CNIH3: variants seen among roughly 807,000 people sequenced by gnomAD.
The protein encoded by CNIH3 is cornichon family AMPA receptor auxiliary protein 3.
In CNIH3, 14 loss-of-function variants were observed where a neutral mutation model predicts 24.1. The observed-to-expected ratio is 0.58, with a 90% CI of 0.38 to 0.91. The LOEUF (loss-of-function observed/expected upper bound fraction) is 0.91, where lower values mean the gene tolerates loss of function less well. Ranked by LOEUF, CNIH3 falls within the 40% of genes least tolerant of loss-of-function variation. The pLI, the probability that CNIH3 is intolerant of heterozygous loss-of-function variation, is 0.00. For synonymous variants in CNIH3, 68 were observed against 73.8 expected (o/e 0.92, Z 0.40); for missense variants, 178 against 196.8 (o/e 0.90, Z 0.57).
intron 1 of CNIH3, among the ~76,000 whole-genome samples, chr1:224,482,379 CCA>C (rs1361468021): frequency 2.0e-5 from 3 of 151,988 alleles, no homozygotes; most frequent in African/African-American, 7.3e-5. Flanking sequence ...CGAGTCTAAC[CCA>C]AGGCCCTCAG....
Position 224,616,928 on chromosome 1 carries a change from C to CAA in CNIH3, c.-247_-246insAA, listed in dbSNP as rs1683029344. On this transcript the variant is annotated 5_prime_UTR_variant, in exon 1 of 6. It introduces an in-frame stop codon into an upstream open reading frame of the 5' UTR. Coordinates refer to ENST00000272133, the MANE Select transcript of CNIH3 (RefSeq NM_152495.2). Reference sequence around the variant, plus strand: ...TTCTTCGATTTGCGGACGGTTCCCTCCAGCGACTCTCGACACACGTTTTCC... The same window carrying CAA: ...TTCTTCGATTTGCGGACGGTTCCCTCAACAGCGACTCTCGACACACGTTTTCC... 7.4e-7 allele frequency: 1 copy of CAA among 1,344,728 alleles called. No homozygotes were observed. The highest frequency in any genetic ancestry group is 9.5e-7 in the Non-Finnish European group (1 of 1,053,282). 83.3% of individuals were successfully genotyped at this position (1,344,728 alleles called of 1,614,324 possible).
chr1:224,577,168 A>G (rs116759373), intron 4 of CNIH3, among the ~76,000 whole-genome samples: 3,293 of 152,188 alleles, frequency 0.022, 44 homozygotes, highest in Non-Finnish European at 0.035. Flanking sequence ...GACTTCATGA[A>G]CCCAAAAGCA....
intron 3 of CNIH3, among the ~76,000 whole-genome samples, chr1:224,708,400 T>A (rs1687938969): frequency 6.6e-6 from 1 of 152,204 alleles, no homozygotes. Flanking sequence ...GTCTTCCTTG[T>A]TCTAAAAAGT....
intron 1 of CNIH3, among the ~76,000 whole-genome samples, chr1:224,460,247 GAT>G (rs1675853859): frequency 6.6e-6 from 1 of 151,984 alleles, no homozygotes; most frequent in Non-Finnish European, 1.5e-5. Context: ...AGGTATAATT[GAT>G]ATACAATACA....
At chr1:224,734,892 G>A (rs1689516435) in intron 5 of CNIH3, among the ~76,000 whole-genome samples, 186 bp downstream of exon 5, 2 of 152,172 alleles carry the variant, frequency 1.3e-5, no homozygotes, top group African/African-American at 4.8e-5. Flanking sequence ...AAGTAAGGGG[G>A]CAGGAGATCC....
intron 5 of CNIH3, among the ~76,000 whole-genome samples, chr1:224,737,673 G>A (rs955416093): frequency 7.2e-5 from 11 of 152,206 alleles, no homozygotes; most frequent in African/African-American, 1.7e-4. Context: ...CGGGGAAGAC[G>A]GGGTTGATAG....
chr1:224,723,698 G>T (rs1197282488), intron 3 of CNIH3, among the ~76,000 whole-genome samples: 5 of 152,226 alleles, frequency 3.3e-5, no homozygotes, highest in African/African-American at 1.2e-4. Context: ...CCTGGTGCAG[G>T]CCTATGGGGA....
chr1:224,641,062 C>T (rs1037345216), intron 1 of CNIH3, among the ~76,000 whole-genome samples: 2 of 152,198 alleles, frequency 1.3e-5, no homozygotes, highest in African/African-American at 4.8e-5. Context: ...TCCTCAGGGG[C>T]TCTGAGGTTC....
intron 3 of CNIH3, among the ~76,000 whole-genome samples, chr1:224,719,985 GA>G (rs1688625563): frequency 1.3e-5 from 2 of 152,224 alleles, no homozygotes. Flanking sequence ...GGGCCACAGG[GA>G]GGGAGGGCTG....
At chr1:224,716,011 T>C (rs898118423) in intron 3 of CNIH3, among the ~76,000 whole-genome samples, 16 of 152,208 alleles carry the variant, frequency 1.1e-4, no homozygotes, top group Non-Finnish European at 1.8e-4. Flanking sequence ...CAGTAAATCA[T>C]TCACACTAAT....
chr1:224,463,121 C>G (rs142069157), intron 1 of CNIH3, among the ~76,000 whole-genome samples: 12,518 of 151,996 alleles, frequency 0.082, 1,627 homozygotes, highest in African/African-American at 0.28. Context: ...TGGTCTCGAT[C>G]TCTTGACCTC....
At chr1:224,563,640 C>T (rs1004674530) in intron 3 of CNIH3, among the ~76,000 whole-genome samples, 4 of 152,116 alleles carry the variant, frequency 2.6e-5, no homozygotes, top group Admixed American at 6.5e-5. Context: ...GTCAGCTAGC[C>T]AGTATTAAGT....
Position 224,616,781 on chromosome 1 carries a change from C to T in CNIH3, c.-394C>T, listed in dbSNP as rs940015585. ...AGTGGAGAAAAGCAGAGAGCTCTTC[C>T]TGGGGCGAATGGGACCTCCTCCCTC... On this transcript the variant is annotated 5_prime_UTR_variant, in exon 1 of 6. Coordinates refer to ENST00000272133, the MANE Select transcript of CNIH3 (RefSeq NM_152495.2). 3.8e-6 allele frequency: 4 copies of T among 1,042,166 alleles called. No individual in the cohort carries two copies. Among genetic ancestry groups the T allele is most frequent in the Non-Finnish European group, 4.6e-6 (4 of 866,644 alleles). 64.6% of individuals were successfully genotyped at this position (1,042,166 alleles called of 1,614,324 possible). A position where few individuals can be genotyped will look rare whatever the true frequency, so the allele number is the denominator to read the frequency against.
intron 1 of CNIH3, among the ~76,000 whole-genome samples, chr1:224,632,992 T>C (rs998840856): frequency 6.6e-6 from 1 of 152,004 alleles, no homozygotes; most frequent in African/African-American, 2.4e-5. Flanking sequence ...ATGAAGGAGC[T>C]CAACAAAGTG....
chr1:224,728,524 G>A (rs1386341849), intron 3 of CNIH3, among the ~76,000 whole-genome samples: 2 of 151,886 alleles, frequency 1.3e-5, no homozygotes, highest in Non-Finnish European at 2.9e-5. Flanking sequence ...TCTAAGGTGA[G>A]GGTTAATGCA....
intron 1 of CNIH3, among the ~76,000 whole-genome samples, chr1:224,470,341 G>A (rs1202081515): frequency 2.1e-5 from 3 of 144,692 alleles, no homozygotes; most frequent in African/African-American, 7.7e-5. Flanking sequence ...TTTTTAAGAG[G>A]TAGTGTCTCA....
At chr1:224,578,212 T>G (rs977618883) in intron 4 of CNIH3, among the ~76,000 whole-genome samples, 12 of 152,186 alleles carry the variant, frequency 7.9e-5, no homozygotes, top group African/African-American at 2.7e-4. Flanking sequence ...AACAAAAAGC[T>G]ATTCCAACTG....
intron 1 of CNIH3, among the ~76,000 whole-genome samples, chr1:224,659,370 A>T (rs553116644): frequency 2.2e-4 from 33 of 152,328 alleles, no homozygotes; most frequent in African/African-American, 7.7e-4. Context: ...GGTTTTCCTA[A>T]TTAATCAAAA....
intron 3 of CNIH3, among the ~76,000 whole-genome samples, chr1:224,559,016 T>C (rs1350692608): frequency 6.6e-6 from 1 of 152,168 alleles, no homozygotes; most frequent in Non-Finnish European, 1.5e-5. Flanking sequence ...ATTATCAGAG[T>C]ACTTAAAAGC....
Sources: allele counts gnomAD v4.1 joint callset (sites outside exome capture counted in the v4.1 genomes callset), GRCh38; gene constraint gnomAD v4.1.1; transcripts MANE v1.5; gene names NCBI Gene and HGNC (gene_info 2026-07-23, HGNC 2026-07-21).